MACROD2: variants seen among roughly 807,000 people sequenced by gnomAD.
MACROD2 encodes ADP-ribose glycohydrolase MACROD2.
In MACROD2, 36 loss-of-function variants were observed where a neutral mutation model predicts 70.4. The observed-to-expected ratio is 0.51, with a 90% CI of 0.39 to 0.68. The LOEUF is 0.68. MACROD2 is among the 30% of genes least tolerant of loss of function. The probability of loss-of-function intolerance (pLI) is 0.00; values close to 1 mark genes in which losing one functional copy is unlikely to be tolerated. For synonymous variants in MACROD2, 172 were observed against 178.8 expected (o/e 0.96, Z 0.30); for missense variants, 496 against 538.4 (o/e 0.92, Z 0.78).
chr20:14,754,694 GA>G (rs2071916958), intron 5 of MACROD2, among the ~76,000 whole-genome samples: 1 of 151,672 alleles, frequency 6.6e-6, no homozygotes, highest in Admixed American at 6.6e-5. Flanking sequence ...TAAACATTTT[GA>G]AAAATATTTT....
At chr20:14,827,519 T>TTAAATTTTTGATTAGTCAAAATTTTTGA (rs1225636823) in intron 5 of MACROD2, among the ~76,000 whole-genome samples, 54 of 152,110 alleles carry the variant, frequency 3.6e-4, no homozygotes, top group Non-Finnish European at 1.3e-4. Context: ...TAAGCATTAC[T>TTAAATTTTTGATTAGTCAAAATTTTTGA]TTAGTCACTT....
intron 8 of MACROD2, among the ~76,000 whole-genome samples, chr20:15,787,203 C>T (rs537908022): frequency 3.4e-4 from 52 of 152,284 alleles, no homozygotes; most frequent in Admixed American, 1.4e-3. Flanking sequence ...AACTCCTGGC[C>T]TCAAGTGATC....
intron 1 of MACROD2, among the ~76,000 whole-genome samples, chr20:13,997,800 A>G (rs1373970071): frequency 6.6e-6 from 1 of 152,156 alleles, no homozygotes; most frequent in Non-Finnish European, 1.5e-5. Flanking sequence ...TTTAATGCAT[A>G]TCTCAGTGTT....
intron 6 of MACROD2, 100 bp from the exon 7 acceptor site, chr20:15,431,305 G>C (rs2046361030): frequency 9.5e-7 from 1 of 1,050,440 alleles, no homozygotes; most frequent in South Asian, 1.3e-5. Context: ...TATGTAAGTA[G>C]AGGGCATCCC....
chr20:15,403,641 A>G (rs952039192), intron 6 of MACROD2, among the ~76,000 whole-genome samples: 6 of 152,172 alleles, frequency 3.9e-5, no homozygotes, highest in African/African-American at 1.4e-4. Flanking sequence ...GTTCTGGGCC[A>G]TGCGGTCTAA....
intron 8 of MACROD2, among the ~76,000 whole-genome samples, chr20:15,818,821 T>A (rs551205488): frequency 1.3e-5 from 2 of 152,326 alleles, no homozygotes; most frequent in East Asian, 3.9e-4. Context: ...GACCACGCTC[T>A]AATGATAGCA....
At chr20:14,101,752 C>T (rs2054304517) in intron 3 of MACROD2, among the ~76,000 whole-genome samples, 2 of 151,136 alleles carry the variant, frequency 1.3e-5, no homozygotes, top group Admixed American at 6.6e-5. Context: ...CTTCCAGGAG[C>T]TTTGTTTTGG....
At chr20:15,178,144 A>T (rs950603538) in intron 5 of MACROD2, among the ~76,000 whole-genome samples, 4 of 152,236 alleles carry the variant, frequency 2.6e-5, no homozygotes, top group African/African-American at 9.6e-5. Context: ...TAAAAGCCGA[A>T]GCAGTGATTG....
intron 3 of MACROD2, among the ~76,000 whole-genome samples, chr20:14,419,053 G>T (rs6042721): frequency 0.96 from 145,391 of 151,184 alleles, 70,157 homozygotes; most frequent in South Asian, 1. Context: ...GATTTTTTTT[G>T]TTTTGTTTTT....
At chr20:15,294,351 G>T (rs1307732243) in intron 6 of MACROD2, among the ~76,000 whole-genome samples, 2 of 152,018 alleles carry the variant, frequency 1.3e-5, no homozygotes, top group Non-Finnish European at 2.9e-5. Context: ...GATTCCTGTG[G>T]GCATTCAAAC....
At chr20:15,485,971 A>AGATGATTTAAAGAAAT (rs1343971640) in intron 7 of MACROD2, among the ~76,000 whole-genome samples, 1 of 152,182 alleles carries the variant, frequency 6.6e-6, no homozygotes, top group African/African-American at 2.4e-5. Context: ...GATTTAAAGA[A>AGATGATTTAAAGAAAT]ACGTATCCAT....
chr20:15,587,915 T>C (rs1039898726), intron 8 of MACROD2, among the ~76,000 whole-genome samples: 5 of 152,210 alleles, frequency 3.3e-5, no homozygotes, highest in African/African-American at 1.2e-4. Context: ...TCTACCATTC[T>C]GGGGTCTGGA....
intron 7 of MACROD2, among the ~76,000 whole-genome samples, chr20:15,439,673 A>G (rs573344521): frequency 6.6e-6 from 1 of 152,282 alleles, no homozygotes; most frequent in Admixed American, 6.5e-5. Flanking sequence ...ATGAGAGCAG[A>G]CACTGCCTTC....
chr20:15,665,270 C>A (rs2049881283), intron 8 of MACROD2, among the ~76,000 whole-genome samples: 1 of 152,154 alleles, frequency 6.6e-6, no homozygotes, highest in Admixed American at 6.5e-5. Flanking sequence ...ATTGTGCCCC[C>A]TACTTTCATT....
At chr20:15,227,387 C>T (rs1568651964) in intron 5 of MACROD2, among the ~76,000 whole-genome samples, 2 of 151,730 alleles carry the variant, frequency 1.3e-5, no homozygotes, top group Non-Finnish European at 2.9e-5. Context: ...CTTTCCCTTC[C>T]TCCCTCGCCC....
intron 5 of MACROD2, among the ~76,000 whole-genome samples, chr20:15,163,074 T>A (rs1390451823): frequency 6.6e-6 from 1 of 152,020 alleles, no homozygotes. Flanking sequence ...ATTAAAATAA[T>A]CTGTAAAGTC....
At chr20:14,731,082 A>G (rs755259664) in intron 5 of MACROD2, among the ~76,000 whole-genome samples, 18 of 152,010 alleles carry the variant, frequency 1.2e-4, no homozygotes, top group Non-Finnish European at 2.1e-4. Flanking sequence ...TTCAGGAACT[A>G]TTTTCTGCTC....
intron 8 of MACROD2, among the ~76,000 whole-genome samples, chr20:15,707,928 A>C (rs1187347408): frequency 5.9e-5 from 9 of 151,416 alleles, no homozygotes; most frequent in African/African-American, 2.0e-4. Flanking sequence ...GTGAGTGGTC[A>C]CCGAGTTCTT....
At chr20:15,890,103 G>T (rs758896034) in intron 10 of MACROD2, among the ~76,000 whole-genome samples, 3 of 152,136 alleles carry the variant, frequency 2.0e-5, no homozygotes, top group Non-Finnish European at 4.4e-5. Context: ...CACAGAACAT[G>T]TTTCATGTTC....
Sources: allele counts gnomAD v4.1 joint callset (sites outside exome capture counted in the v4.1 genomes callset), GRCh38; gene constraint gnomAD v4.1.1; transcripts MANE v1.5; gene names NCBI Gene and HGNC (gene_info 2026-07-23, HGNC 2026-07-21).